The following ST3GAL6 variants were observed in gnomAD, a reference collection of about 807,000 sequenced individuals.
ST3GAL6 encodes the protein ST3 beta-galactoside alpha-2,3-sialyltransferase 6.
In ST3GAL6, 31 loss-of-function variants were observed where a neutral mutation model predicts 40.5. That is an observed-to-expected ratio of 0.77 (90% CI 0.58 to 1.03). ST3GAL6 has a LOEUF of 1.03. Ranked by LOEUF, ST3GAL6 falls within the 50% of genes least tolerant of loss-of-function variation. ST3GAL6 has a pLI of 0.00. For missense variants in ST3GAL6, 357 were observed against 393.2 expected (o/e 0.91, Z 0.78); for synonymous variants, 129 against 136.9 (o/e 0.94, Z 0.40).
intron 6 of ST3GAL6, among the ~76,000 whole-genome samples, chr3:98,787,544 G>A (rs1940844022): frequency 6.6e-6 from 1 of 152,142 alleles, no homozygotes; most frequent in Admixed American, 6.5e-5. Context: ...TAATATAGCA[G>A]ATTTATATTG....
intron 3 of ST3GAL6, chr3:98,772,555 C>T: frequency 9.2e-6 from 2 of 218,282 alleles, no homozygotes. Flanking sequence ...TTTTTACTTC[C>T]TGAGTTGTAA....
chr3:98,783,820 TAAAATATGTTA>T (rs1276938311), intron 5 of ST3GAL6: 2 of 318,136 alleles, frequency 6.3e-6, no homozygotes, highest in African/African-American at 4.5e-5. Context: ...AGCTTCCAAT[TAAAATATGTTA>T]AAAGTATTTT....
At chr3:98,780,584 TA>T (rs34947081) in intron 5 of ST3GAL6, among the ~76,000 whole-genome samples, 47,977 of 152,076 alleles carry the variant, frequency 0.32, 8,886 homozygotes, top group East Asian at 0.71. Flanking sequence ...TCCTGTTTTT[TA>T]AAAGTCCTTG....
chr3:98,771,261 C>G, intron 3 of ST3GAL6: 4 of 826,844 alleles, frequency 4.8e-6, no homozygotes, highest in Non-Finnish European at 6.8e-6. Context: ...TTATTTTTCC[C>G]CCTTGTTGCT....
chr3:98,744,360 C>A (rs1936374090), intron 1 of ST3GAL6, among the ~76,000 whole-genome samples: 1 of 152,168 alleles, frequency 6.6e-6, no homozygotes, highest in African/African-American at 2.4e-5. Flanking sequence ...CTCTTCTCTG[C>A]ATCCCCTGAG....
rs1302086378 is a variant in ST3GAL6, at chr3:98,794,508, A to G, written c.*747A>G. 6.6e-6 allele frequency: 1 copy of G among 151,820 alleles called. No homozygotes were observed. Among genetic ancestry groups the G allele is most frequent in the Non-Finnish European group, 1.5e-5 (1 of 67,946 alleles). The allele number at this position is 151,820 out of a possible 1,614,324, so 9.4% of individuals were successfully genotyped here. ...CTTGAACATTATTTTTTTTTGCCTGACTTACTTATTCATTAAATTTTGAAG... is the reference window on the plus strand; with the variant it reads ...CTTGAACATTATTTTTTTTTGCCTGGCTTACTTATTCATTAAATTTTGAAG... On this transcript the variant is annotated 3_prime_UTR_variant, in exon 10 of 10. Transcript: ENST00000483910.
At chr3:98,793,511 A>C (rs979818096) in intron 9 of ST3GAL6, among the ~76,000 whole-genome samples, 164 bp from the exon 10 acceptor site, 2 of 151,746 alleles carry the variant, frequency 1.3e-5, no homozygotes, top group Non-Finnish European at 1.5e-5. Context: ...AGAACCAGCA[A>C]GGAAAGTAAT....
chr3:98,782,770 C>T lies in ST3GAL6; in HGVS notation c.336-2175C>T, dbSNP rs989821376. The T allele has an allele frequency of 9.7e-6, 5 of 514,902 alleles. No homozygotes were observed. In the East Asian group the frequency reaches 2.7e-4, roughly 28 times the overall value. 31.9% of individuals were successfully genotyped at this position (514,902 alleles called of 1,614,324 possible). ...AGCCTCCAAGTGGTCTCATAATCAA[C>T]AAAGAATCTGAAGTTTACAAGATGC... On this transcript the variant is annotated intron_variant, in intron 5 of 9. Transcript: ENST00000483910.
intron 1 of ST3GAL6, among the ~76,000 whole-genome samples, chr3:98,745,218 G>A (rs1936451701): frequency 6.6e-6 from 1 of 152,090 alleles, no homozygotes; most frequent in Non-Finnish European, 1.5e-5. Flanking sequence ...ATTTTTAGTA[G>A]AGACGGGGTT....
intron 5 of ST3GAL6, chr3:98,783,006 G>A (rs893093819): frequency 4.9e-5 from 15 of 304,556 alleles, no homozygotes; most frequent in Non-Finnish European, 9.8e-5. Flanking sequence ...GGCATTGTAG[G>A]CATGTTTGTA....
At position 98,773,899 on chromosome 3, in the gene ST3GAL6, AAC is replaced by A. The variant is rs765222293; in HGVS notation, c.272-18_272-17del. Reference sequence around the variant, plus strand: ...AAGACATGATTATCCTTTTATTCATAACACTCCATTTGTTTTCTAGCGGAATA... The same window carrying A: ...AAGACATGATTATCCTTTTATTCATAACTCCATTTGTTTTCTAGCGGAATA... On this transcript the variant is annotated intron_variant, in intron 4 of 9. Transcript: ENST00000483910. 1 of 1,605,784 alleles carries A rather than the reference AAC, an allele frequency of 6.2e-7. No individual in the cohort carries two copies. Among genetic ancestry groups the A allele is most frequent in the South Asian group, 1.1e-5 (1 of 90,806 alleles).
rs755446486 is a variant in ST3GAL6, at chr3:98,772,842, C to A, written c.197C>A (p.Ala66Glu). Residue 66 changes from alanine (A) to glutamate (E), a missense_variant, in exon 4 of 10, where the codon GCG becomes GAG. Transcript: ENST00000483910. ...CATCAGTTTCACCCTTTTCTGTGTGCGGCTGATTTTAGAAAGATTGCTTCC... is the reference window on the plus strand; with the variant it reads ...CATCAGTTTCACCCTTTTCTGTGTGAGGCTGATTTTAGAAAGATTGCTTCC... ...RFHQFHPFLCAADFRKIASLY... is the reference protein window; with the variant it reads ...RFHQFHPFLCEADFRKIASLY... The A allele has an allele frequency of 6.2e-7, 1 of 1,613,070 alleles. No homozygotes were observed. Among genetic ancestry groups the A allele is most frequent in the Admixed American group, 1.7e-5 (1 of 59,994 alleles).
intron 1 of ST3GAL6, among the ~76,000 whole-genome samples, chr3:98,742,599 T>C (rs558953599): frequency 2.3e-3 from 349 of 152,306 alleles, no homozygotes; most frequent in Middle Eastern, 3.4e-3. Context: ...AACAACTTTT[T>C]AATTATCACT....
chr3:98,792,931 T>C (rs1941332619), intron 9 of ST3GAL6, among the ~76,000 whole-genome samples: 1 of 152,202 alleles, frequency 6.6e-6, no homozygotes, highest in Non-Finnish European at 1.5e-5. Context: ...ATACTTTTAA[T>C]ATTGAAATAT....
rs761826510 is a variant in ST3GAL6 at position 98,773,931 on chromosome 3, C to T, written c.283C>T (p.Arg95Ter). 96 of 1,612,842 alleles carry T rather than the reference C, an allele frequency of 6.0e-5. No homozygotes were observed. Among genetic ancestry groups the T allele is most frequent in the Admixed American group, 1.3e-4 (8 of 59,932 alleles). The change falls in exon 5 of 10, where the codon CGA becomes TGA. Residue 95 changes from arginine to a stop codon, truncating the protein, a stop_gained. Coordinates refer to ENST00000483910, the MANE Select transcript of ST3GAL6 (RefSeq NM_001323368.2). LOFTEE classifies it high-confidence loss of function. Reference sequence around the variant, plus strand: ...CATTTGTTTTCTAGCGGAATATTTTCGACTTGCTCTTTCAAAACTGCAGAG... The same window carrying T: ...CATTTGTTTTCTAGCGGAATATTTTTGACTTGCTCTTTCAAAACTGCAGAG... ...YGMRTSAEYFRLALSKLQSCD... is the reference protein window; with the variant it reads ...YGMRTSAEYF
At chr3:98,763,102 CTCAGG>C, upstream of ST3GAL6, 25 of 985,330 alleles carry the variant, frequency 2.5e-5, no homozygotes, top group Non-Finnish European at 3.0e-5. Flanking sequence ...TACATTAAGG[CTCAGG>C]TCATATGGAG....
intron 1 of ST3GAL6, among the ~76,000 whole-genome samples, chr3:98,743,270 C>G (rs1317813576): frequency 6.6e-6 from 1 of 152,070 alleles, no homozygotes; most frequent in Non-Finnish European, 1.5e-5. Context: ...ATCCATCAAC[C>G]TTGGCCTCGC....
intron 1 of ST3GAL6, chr3:98,733,245 C>G (rs1935206476): frequency 1.0e-6 from 1 of 977,348 alleles, no homozygotes; most frequent in African/African-American, 1.8e-5. Context: ...TGCGCCGCAG[C>G]CACCGCCGAG....
intron 1 of ST3GAL6, chr3:98,732,574 A>C (rs1576006072): frequency 2.9e-6 from 1 of 343,802 alleles, no homozygotes; most frequent in East Asian, 4.8e-5. Flanking sequence ...CCAACGCCTC[A>C]CCCTCCGGGA....
Sources: gnomAD v4.1 joint callset for allele counts (sites outside exome capture counted in the v4.1 genomes callset) on GRCh38, gnomAD v4.1.1 for gene constraint, MANE v1.5 for transcripts, NCBI Gene and HGNC (gene_info 2026-07-23, HGNC 2026-07-21) for gene names.